AUTS2: variants seen among roughly 807,000 people sequenced by gnomAD.
AUTS2 encodes the protein autism susceptibility gene 2 protein.
Under a neutral mutation model 112.4 loss-of-function variants are expected in AUTS2, and 17 were observed. The ratio of observed to expected loss-of-function variants is 0.15; its 90% CI spans 0.10 to 0.23. AUTS2 has a LOEUF of 0.23. AUTS2 is among the 10% of genes least tolerant of loss of function. AUTS2 has a pLI of 1.00. For missense variants in AUTS2, 1,510 were observed against 1,701.6 expected (o/e 0.89, Z 1.98); for synonymous variants, 751 against 702.7 (o/e 1.07, Z -1.09).
intron 4 of AUTS2, among the ~76,000 whole-genome samples, chr7:70,162,174 C>T (rs1385304089): frequency 1.3e-5 from 2 of 151,920 alleles, no homozygotes; most frequent in Non-Finnish European, 2.9e-5. Context: ...AGGCCGGGCG[C>T]GGTGGCTCAC....
At chr7:70,342,769 A>C (rs1278501349) in intron 4 of AUTS2, among the ~76,000 whole-genome samples, 2 of 152,170 alleles carry the variant, frequency 1.3e-5, no homozygotes, top group African/African-American at 4.8e-5. Flanking sequence ...TGCCCTCCGC[A>C]GCCTCTTGCT....
chr7:69,940,992 C>T (rs1481087914), intron 2 of AUTS2, among the ~76,000 whole-genome samples: 2 of 152,154 alleles, frequency 1.3e-5, no homozygotes, highest in East Asian at 1.9e-4. Flanking sequence ...TGCAAGAGAA[C>T]ATGGATGGCT....
At chr7:69,937,372 G>A (rs1796454552) in intron 2 of AUTS2, among the ~76,000 whole-genome samples, 1 of 152,166 alleles carries the variant, frequency 6.6e-6, no homozygotes, top group African/African-American at 2.4e-5. Context: ...TGTCTCTTTT[G>A]TTCTGATCCA....
chr7:70,260,792 C>G (rs12698884), intron 4 of AUTS2, among the ~76,000 whole-genome samples: 33,672 of 151,394 alleles, frequency 0.22, 3,759 homozygotes, highest in Middle Eastern at 0.32. Context: ...CTCTGTCGCC[C>G]TGGCTAGAGT....
chr7:70,052,130 T>C (rs1000397034), intron 2 of AUTS2, among the ~76,000 whole-genome samples: 4 of 152,140 alleles, frequency 2.6e-5, no homozygotes, highest in Admixed American at 2.0e-4. Context: ...AGACATAGAG[T>C]GATCTTAACA....
chr7:70,385,731 A>G (rs1037426009), intron 4 of AUTS2, among the ~76,000 whole-genome samples: 2 of 152,184 alleles, frequency 1.3e-5, no homozygotes, highest in Admixed American at 6.5e-5. Flanking sequence ...GTCTCTAAAA[A>G]TAGAAAATAA....
chr7:70,267,278 C>CTT (rs11376990), intron 4 of AUTS2, among the ~76,000 whole-genome samples: 43 of 144,960 alleles, frequency 3.0e-4, no homozygotes, highest in African/African-American at 3.8e-4. Context: ...CTAAATGTTT[C>CTT]TTTTTTTTTT....
intron 1 of AUTS2, among the ~76,000 whole-genome samples, chr7:69,827,552 C>A (rs1242068512): frequency 6.6e-6 from 1 of 152,164 alleles, no homozygotes; most frequent in African/African-American, 2.4e-5. Context: ...CCACATGAAG[C>A]TCTTCTTACT....
At chr7:69,828,167 T>A (rs866886286) in intron 1 of AUTS2, among the ~76,000 whole-genome samples, 1 of 152,166 alleles carries the variant, frequency 6.6e-6, no homozygotes, top group African/African-American at 2.4e-5. Flanking sequence ...TTCAGGGGGG[T>A]ACATCTTGAT....
intron 6 of AUTS2, among the ~76,000 whole-genome samples, chr7:70,759,294 G>A (rs1341072390): frequency 1.3e-5 from 2 of 152,192 alleles, no homozygotes; most frequent in African/African-American, 4.8e-5. Flanking sequence ...CAGCAAGCAA[G>A]TTCCTTCACT....
intron 6 of AUTS2, among the ~76,000 whole-genome samples, chr7:70,734,418 A>C (rs745899240): frequency 3.3e-5 from 5 of 151,494 alleles, no homozygotes; most frequent in Non-Finnish European, 5.9e-5. Flanking sequence ...CCAGCCTGGG[A>C]GACAGAGTGA....
intron 1 of AUTS2, among the ~76,000 whole-genome samples, chr7:69,642,275 A>AT (rs766739824): frequency 3.6e-4 from 54 of 151,984 alleles, no homozygotes; most frequent in Admixed American, 7.9e-4. Flanking sequence ...TTCTTATCCT[A>AT]TTTTTTTTAT....
intron 6 of AUTS2, among the ~76,000 whole-genome samples, chr7:70,761,733 T>C (rs1789575351): frequency 6.6e-6 from 1 of 152,224 alleles, no homozygotes; most frequent in Non-Finnish European, 1.5e-5. Context: ...TTTTGACCTT[T>C]GGAGGGAGTA....
At chr7:69,692,905 T>C (rs1372587884) in intron 1 of AUTS2, among the ~76,000 whole-genome samples, 8 of 152,244 alleles carry the variant, frequency 5.3e-5, no homozygotes, top group Admixed American at 1.3e-4. Context: ...TTCAAGAGGC[T>C]GGTCAGGAAT....
At chr7:70,221,445 A>T (rs1811481345) in intron 4 of AUTS2, among the ~76,000 whole-genome samples, 1 of 152,230 alleles carries the variant, frequency 6.6e-6, no homozygotes, top group Admixed American at 6.5e-5. Flanking sequence ...ATCCTTTTGT[A>T]GCCTAAATTG....
chr7:70,132,348 G>T (rs1183663861), intron 3 of AUTS2, among the ~76,000 whole-genome samples: 1 of 151,994 alleles, frequency 6.6e-6, no homozygotes, highest in African/African-American at 2.4e-5. Flanking sequence ...GTGTCTAGGG[G>T]AGGGGAGTTA....
chr7:70,035,911 A>AT (rs1403764024), intron 2 of AUTS2, among the ~76,000 whole-genome samples: 1 of 152,248 alleles, frequency 6.6e-6, no homozygotes, highest in African/African-American at 2.4e-5. Flanking sequence ...GGAGCTAGAT[A>AT]TGTAATGTTG....
At chr7:70,633,033 G>A (rs979843825) in intron 5 of AUTS2, among the ~76,000 whole-genome samples, 1 of 152,190 alleles carries the variant, frequency 6.6e-6, no homozygotes, top group African/African-American at 2.4e-5. Flanking sequence ...ATGGAAATTC[G>A]CATGGGGCGA....
intron 4 of AUTS2, among the ~76,000 whole-genome samples, chr7:70,174,058 T>C (rs1018819290): frequency 3.3e-5 from 5 of 152,212 alleles, no homozygotes; most frequent in African/African-American, 1.2e-4. Flanking sequence ...AAAGCCAAGA[T>C]GGGCTGAAAG....
Sources: allele counts gnomAD v4.1 joint callset (sites outside exome capture counted in the v4.1 genomes callset), GRCh38; gene constraint gnomAD v4.1.1; transcripts MANE v1.5; gene names NCBI Gene and HGNC (gene_info 2026-07-23, HGNC 2026-07-21).